The following CNBD1 variants were observed in gnomAD, a reference collection of about 807,000 sequenced individuals.
CNBD1 encodes cyclic nucleotide binding domain containing 1, also known as cyclic nucleotide-binding domain-containing protein 1.
A neutral mutation model predicts 54.4 loss-of-function variants in CNBD1; 71 were observed. The ratio of observed to expected loss-of-function variants is 1.30; its 90% CI spans 1.08 to 1.59. CNBD1 has a LOEUF of 1.59. Ranked by LOEUF, CNBD1 falls within the 40% of genes most tolerant of loss-of-function variation. CNBD1 has a pLI of 0.00. For missense variants in CNBD1, 659 were observed against 518.0 expected (o/e 1.27, Z -2.64); for synonymous variants, 182 against 170.7 (o/e 1.07, Z -0.51).
intron 8 of CNBD1, among the ~76,000 whole-genome samples, chr8:87,343,742 GGCA>G (rs1336290594): frequency 6.6e-6 from 1 of 151,888 alleles, no homozygotes; most frequent in Non-Finnish European, 1.5e-5. Flanking sequence ...TTAACTTATT[GGCA>G]GTATAATATA....
intron 4 of CNBD1, among the ~76,000 whole-genome samples, chr8:87,142,803 A>G (rs1812396819): frequency 6.6e-6 from 1 of 152,158 alleles, no homozygotes; most frequent in South Asian, 2.1e-4. Context: ...CATTTTCACA[A>G]TCTTGGCTGT....
chr8:87,102,205 T>C (rs575494642), intron 4 of CNBD1, among the ~76,000 whole-genome samples: 8 of 152,040 alleles, frequency 5.3e-5, no homozygotes, highest in African/African-American at 1.7e-4. Context: ...TTTATGTTGA[T>C]GGACATAACT....
At chr8:87,083,976 C>T (rs1811049649) in intron 4 of CNBD1, among the ~76,000 whole-genome samples, 1 of 152,160 alleles carries the variant, frequency 6.6e-6, no homozygotes, top group Admixed American at 6.5e-5. Context: ...CCACCTTGGG[C>T]ACATGTTCTC....
rs377362000 is a variant in CNBD1, at chr8:87,394,124, G to A, written c.214-34422G>A. On this transcript the variant is annotated intron_variant, in intron 2 of 7. Coordinates refer to the CNBD1 transcript ENST00000521593. ...ATATTTTGCCATTTGTTGATAGGGCGTAACAATCACCCACATAGAATATTT... is the reference window on the plus strand; with the variant it reads ...ATATTTTGCCATTTGTTGATAGGGCATAACAATCACCCACATAGAATATTT... Among the ~76,000 whole-genome samples the A allele has an allele frequency of 2.8e-4, 42 of 151,908 alleles. No homozygotes were observed. The East Asian group carries it at 2.9e-3, about 11-fold the overall frequency.
chr8:87,395,640 G>C (rs76230133), intron 2 of CNBD1, among the ~76,000 whole-genome samples: 2,862 of 151,922 alleles, frequency 0.019, 92 homozygotes, highest in African/African-American at 0.062. Context: ...GCAGTAGAGG[G>C]GGTGGTATCA....
chr8:87,136,215 G>A lies in CNBD1; in HGVS notation c.432-69778G>A, dbSNP rs554595034. Among the ~76,000 whole-genome samples, 7 of 151,894 alleles carry A rather than the reference G, an allele frequency of 4.6e-5. 1 individual carries two copies. In the East Asian group the frequency reaches 9.7e-4, roughly 21 times the overall value. ...ATTCTTACTGAGCTATTGGTTCTCT[G>A]CTTTCCATGTCTGTCTAGGCCAGTA... On this transcript the variant is annotated intron_variant, in intron 4 of 10. Transcript: ENST00000518476.
chr8:86,997,004 C>A (rs1326275467), intron 4 of CNBD1, among the ~76,000 whole-genome samples: 1 of 152,134 alleles, frequency 6.6e-6, no homozygotes, highest in African/African-American at 2.4e-5. Flanking sequence ...TGCCCTCTGA[C>A]CTAATCATCT....
downstream of CNBD1, among the ~76,000 whole-genome samples, chr8:87,387,325 G>T (rs1003818426): frequency 2.0e-5 from 3 of 151,930 alleles, no homozygotes; most frequent in Non-Finnish European, 4.4e-5. Context: ...TGGATAAAGA[G>T]CCAAGACCCA....
intron 5 of CNBD1, among the ~76,000 whole-genome samples, chr8:87,207,556 T>C (rs1374865371): frequency 2.6e-5 from 4 of 152,062 alleles, no homozygotes. Context: ...ATTGTTGCCT[T>C]AGTGTAGGGG....
chr8:86,973,593 G>A (rs1051767486), intron 4 of CNBD1, among the ~76,000 whole-genome samples: 1 of 152,162 alleles, frequency 6.6e-6, no homozygotes, highest in Non-Finnish European at 1.5e-5. Context: ...TTGAAATATT[G>A]TGAGAAAGGT....
At chr8:86,995,947 G>T (rs66527557) in intron 4 of CNBD1, among the ~76,000 whole-genome samples, 34,007 of 151,968 alleles carry the variant, frequency 0.22, 4,650 homozygotes, top group Admixed American at 0.35. Context: ...ATGGCTTTCT[G>T]TTTCTTGCCA....
In CNBD1 at chr8:87,262,373, C is replaced by T. The variant is rs149140146; in HGVS notation, c.772-22305C>T. Among the ~76,000 whole-genome samples the T allele has an allele frequency of 3.1e-3, 477 of 152,156 alleles. 2 individuals are homozygous for T. The highest frequency in any genetic ancestry group is 0.011 in the African/African-American group (445 of 41,508). On this transcript the variant is annotated intron_variant, in intron 6 of 10. Coordinates refer to ENST00000518476, the MANE Select transcript of CNBD1 (RefSeq NM_173538.3). ...AATTTTATGTGTCAACTTGACTGAA[C>T]TAAGAGATGCAGAGTTAGCTGGTGA...
chr8:86,958,270 A>G (rs1413858323), intron 4 of CNBD1, among the ~76,000 whole-genome samples: 2 of 152,196 alleles, frequency 1.3e-5, no homozygotes, highest in East Asian at 3.9e-4. Flanking sequence ...ATTTTGGAAT[A>G]GGTCAGATGT....
chr8:87,037,381 A>G lies in CNBD1; in HGVS notation c.431+97627A>G, dbSNP rs73689996. On this transcript the variant is annotated intron_variant, in intron 4 of 10. Coordinates refer to ENST00000518476, the MANE Select transcript of CNBD1 (RefSeq NM_173538.3). ...CTTCATCAGTGTCTAAGTCATATCC[A>G]TGGGTATAAAAAAATTATTATTTCA... Among the ~76,000 whole-genome samples the G allele has an allele frequency of 5.4e-3, 828 of 152,186 alleles. 11 individuals are homozygous for G. The highest frequency in any genetic ancestry group is 0.019 in the African/African-American group (771 of 41,536).
At chr8:87,421,477 C>A (rs1174439866) in intron 2 of CNBD1, among the ~76,000 whole-genome samples, 1 of 143,354 alleles carries the variant, frequency 7.0e-6, no homozygotes, top group Admixed American at 7.2e-5. Context: ...TTCCTGTGTC[C>A]ATGTGATCTC....
chr8:87,071,793 T>C (rs1810764034), intron 4 of CNBD1, among the ~76,000 whole-genome samples: 1 of 152,152 alleles, frequency 6.6e-6, no homozygotes, highest in Non-Finnish European at 1.5e-5. Flanking sequence ...TCTGTTGTTT[T>C]GGGGTGGAGA....
chr8:87,191,729 A>T (rs1224411477), intron 4 of CNBD1, among the ~76,000 whole-genome samples: 1 of 152,170 alleles, frequency 6.6e-6, no homozygotes, highest in African/African-American at 2.4e-5. Context: ...GCTAGTGTAG[A>T]AATGCCTATC....
intron 4 of CNBD1, among the ~76,000 whole-genome samples, chr8:86,963,281 C>A (rs556050071): frequency 6.6e-6 from 1 of 152,288 alleles, no homozygotes; most frequent in South Asian, 2.1e-4. Context: ...GTTCCCTAGA[C>A]CCTATCTATG....
chr8:87,052,094 AC>A (rs1397620381), intron 4 of CNBD1, among the ~76,000 whole-genome samples: 1 of 152,106 alleles, frequency 6.6e-6, no homozygotes, highest in Non-Finnish European at 1.5e-5. Context: ...TTGCAGGCGT[AC>A]CCTGGGGATC....
Sources: allele counts gnomAD v4.1 joint callset (sites outside exome capture counted in the v4.1 genomes callset), GRCh38; gene constraint gnomAD v4.1.1; transcripts MANE v1.5; gene names NCBI Gene and HGNC (gene_info 2026-07-23, HGNC 2026-07-21).